TNNI3K: variants seen among roughly 807,000 people sequenced by gnomAD.
TNNI3K encodes serine/threonine-protein kinase TNNI3K.
A neutral mutation model predicts 114.5 loss-of-function variants in TNNI3K; 140 were observed. The observed-to-expected ratio is 1.22, with a 90% CI of 1.07 to 1.41. The LOEUF (loss-of-function observed/expected upper bound fraction) is 1.41. Among genes scored for constraint, TNNI3K ranks in the 40% most tolerant of loss-of-function variants. The probability of loss-of-function intolerance (pLI) is 0.00; values close to 1 mark genes in which losing one functional copy is unlikely to be tolerated. For synonymous variants in TNNI3K, 347 were observed against 347.5 expected (o/e 1.00, Z 0.02); for missense variants, 1,125 against 1,007.6 (o/e 1.12, Z -1.58).
At chr1:74,494,577 T>G (rs1669237091) in intron 23 of TNNI3K, among the ~76,000 whole-genome samples, 1 of 152,194 alleles carries the variant, frequency 6.6e-6, no homozygotes, top group Non-Finnish European at 1.5e-5. Context: ...TCTCTACTTG[T>G]GTCTTTTAAA....
chr1:74,253,439 C>T (rs1272238982), intron 4 of TNNI3K, among the ~76,000 whole-genome samples: 2 of 152,044 alleles, frequency 1.3e-5, no homozygotes, highest in East Asian at 1.9e-4. Context: ...GGCAGGGGGT[C>T]GGGGGGAAGC....
chr1:74,312,076 T>C (rs566932109), intron 5 of TNNI3K, among the ~76,000 whole-genome samples: 23 of 152,242 alleles, frequency 1.5e-4, no homozygotes, highest in Non-Finnish European at 2.8e-4. Context: ...TTTCTGGGAA[T>C]GTTGGTTACT....
At chr1:74,323,268 G>A (rs969676640) in intron 5 of TNNI3K, among the ~76,000 whole-genome samples, 3 of 152,118 alleles carry the variant, frequency 2.0e-5, no homozygotes, top group African/African-American at 7.2e-5. Context: ...AGCAGCATGG[G>A]TGCCTTTTGG....
chr1:74,305,120 A>G (rs1330068669), intron 5 of TNNI3K, among the ~76,000 whole-genome samples: 1 of 152,198 alleles, frequency 6.6e-6, no homozygotes, highest in Admixed American at 6.5e-5. Flanking sequence ...AAAGAGGCAT[A>G]GGGAGAGGAG....
At chr1:74,253,547 T>C (rs996379390) in intron 4 of TNNI3K, among the ~76,000 whole-genome samples, 1 of 152,048 alleles carries the variant, frequency 6.6e-6, no homozygotes, top group Non-Finnish European at 1.5e-5. Context: ...CCGGCACTGC[T>C]GGGGGACCCG....
intron 20 of TNNI3K, among the ~76,000 whole-genome samples, chr1:74,457,628 G>A (rs192144462): frequency 1.6e-4 from 25 of 152,242 alleles, no homozygotes; most frequent in African/African-American, 3.4e-4. Context: ...GATACTTCTG[G>A]CAATTTTATA....
At chr1:74,542,552 G>A (rs1646739069) in intron 24 of TNNI3K, among the ~76,000 whole-genome samples, 1 of 152,210 alleles carries the variant, frequency 6.6e-6, no homozygotes, top group African/African-American at 2.4e-5. Context: ...GTGAGTGAGA[G>A]AGACCAGTTG....
chr1:74,463,626 AC>A, intron 21 of TNNI3K, 76 bp downstream of exon 21: 1 of 1,518,510 alleles, frequency 6.6e-7, no homozygotes, highest in Non-Finnish European at 9.1e-7. Context: ...TCCAAAGTCT[AC>A]TTTCAGTGTG....
intron 6 of TNNI3K, among the ~76,000 whole-genome samples, chr1:74,333,695 T>C (rs981837454): frequency 2.0e-5 from 3 of 152,346 alleles, no homozygotes; most frequent in Admixed American, 6.5e-5. Flanking sequence ...ACATTCAATA[T>C]ATAAATGTAC....
intron 23 of TNNI3K, among the ~76,000 whole-genome samples, chr1:74,518,267 T>A (rs1285639590): frequency 6.6e-6 from 1 of 152,210 alleles, no homozygotes; most frequent in East Asian, 1.9e-4. Context: ...GCTAGAAGAA[T>A]CATTAGGTCA....
intron 17 of TNNI3K, chr1:74,401,920 C>T (rs1450693050): frequency 1.1e-5 from 5 of 451,502 alleles, no homozygotes; most frequent in Non-Finnish European, 2.2e-5. Context: ...GGGAAGAATG[C>T]AATTTCAGGT....
In TNNI3K at chr1:74,353,294, C is replaced by G; in HGVS notation, c.961C>G (p.Leu321Val). 2 of 1,613,344 alleles carry G rather than the reference C, an allele frequency of 1.2e-6. No individual in the cohort carries two copies. The highest frequency in any genetic ancestry group is 1.7e-6 in the Non-Finnish European group (2 of 1,179,820). ...TTGTACCTATGGCAAGAGCATTGACCTAGTCAAATTTCTTCTTGATCAGAA... is the reference window on the plus strand; with the variant it reads ...TTGTACCTATGGCAAGAGCATTGACGTAGTCAAATTTCTTCTTGATCAGAA... ...SACTYGKSID[L>V]VKFLLDQNVI... Residue 321 changes from leucine to valine, a missense_variant, in exon 10 of 25, where the codon CTA (leucine) becomes GTA (valine). Physicochemically the swap from Leu to Val is conservative, Grantham distance 32 (BLOSUM62 1). Transcript: ENST00000326637.
intron 5 of TNNI3K, among the ~76,000 whole-genome samples, chr1:74,294,139 C>A (rs1657841855): frequency 6.6e-6 from 1 of 151,588 alleles, no homozygotes; most frequent in African/African-American, 2.4e-5. Flanking sequence ...TGGTGTACAA[C>A]ATGATGTTTT....
chr1:74,364,386 C>T, intron 11 of TNNI3K, among the ~76,000 whole-genome samples: 1 of 151,834 alleles, frequency 6.6e-6, no homozygotes, highest in East Asian at 1.9e-4. Flanking sequence ...AGAAAATGCT[C>T]AACAGCAGGC....
intron 5 of TNNI3K, among the ~76,000 whole-genome samples, chr1:74,313,273 C>T (rs1659101431): frequency 6.6e-6 from 1 of 152,200 alleles, no homozygotes; most frequent in African/African-American, 2.4e-5. Flanking sequence ...TCTTCTCTCA[C>T]CACGTTGACA....
intron 5 of TNNI3K, among the ~76,000 whole-genome samples, chr1:74,326,456 T>C (rs1053409514): frequency 6.6e-6 from 1 of 152,228 alleles, no homozygotes; most frequent in African/African-American, 2.4e-5. Flanking sequence ...TTTGTTATTA[T>C]AGGCATTACT....
At chr1:74,480,616 T>C (rs1287038855) in intron 21 of TNNI3K, 1 of 717,136 alleles carries the variant, frequency 1.4e-6, no homozygotes, top group Non-Finnish European at 2.6e-6. Flanking sequence ...AAGAACTGTC[T>C]GTGAGATTAG....
chr1:74,476,547 G>A (rs924797551), intron 21 of TNNI3K, among the ~76,000 whole-genome samples: 4 of 152,098 alleles, frequency 2.6e-5, no homozygotes, highest in African/African-American at 9.7e-5. Context: ...CCACAACTCT[G>A]AGACAAAGGA....
intron 21 of TNNI3K, chr1:74,483,512 G>A: frequency 1.9e-6 from 1 of 518,962 alleles, no homozygotes; most frequent in Non-Finnish European, 3.5e-6. Flanking sequence ...AAGATGCCAG[G>A]TAAATAACTA....
Sources: allele counts gnomAD v4.1 joint callset (sites outside exome capture counted in the v4.1 genomes callset), GRCh38; gene constraint gnomAD v4.1.1; transcripts MANE v1.5; gene names NCBI Gene and HGNC (gene_info 2026-07-23, HGNC 2026-07-21).